The following LAMA1 variants were observed in gnomAD, a reference collection of about 807,000 sequenced individuals.
The protein encoded by LAMA1 is laminin subunit alpha 1.
A neutral mutation model predicts 348.7 loss-of-function variants in LAMA1; 219 were observed. The ratio of observed to expected loss-of-function variants is 0.63; its 90% CI spans 0.56 to 0.70. The LOEUF (loss-of-function observed/expected upper bound fraction) is 0.70. Ranked by LOEUF, LAMA1 falls within the 30% of genes least tolerant of loss-of-function variation. The pLI is 0.00. For synonymous variants in LAMA1, 1,487 were observed against 1,491.0 expected (o/e 1.00, Z 0.06); for missense variants, 3,744 against 3,888.0 (o/e 0.96, Z 0.99).
chr18:7,035,133 G>A (rs555767993), intron 13 of LAMA1, among the ~76,000 whole-genome samples: 1 of 152,192 alleles, frequency 6.6e-6, no homozygotes, highest in South Asian at 2.1e-4. Context: ...GATAGCTCCA[G>A]GTGAAAGGAC....
intron 1 of LAMA1, among the ~76,000 whole-genome samples, chr18:7,102,310 T>C (rs1182514434): frequency 6.6e-6 from 1 of 152,212 alleles, no homozygotes; most frequent in Admixed American, 6.5e-5. Flanking sequence ...TGTATGCCTT[T>C]GTTCTGTTCC....
At chr18:7,117,560 C>T in intron 1 of LAMA1, 100 bp downstream of exon 1, 1 of 1,288,302 alleles carries the variant, frequency 7.8e-7, no homozygotes, top group Non-Finnish European at 1.1e-6. Context: ...AGGATGCGCG[C>T]CCGGACTCCA....
Position 6,950,875 on chromosome 18 carries a change from C to T in LAMA1, c.8304G>A (p.Leu2768=). The T allele has an allele frequency of 6.2e-7, 1 of 1,614,144 alleles. No homozygotes were observed. The highest frequency in any genetic ancestry group is 8.5e-7 in the Non-Finnish European group (1 of 1,180,022). Residue 2768 remains leucine, a synonymous_variant, in exon 58 of 63, where the codon CTG becomes CTA. Transcript: ENST00000389658. ...ACATGAAGTGGAGGCGGCCCCCGTG[C>T]AGCTGGAGCACAGCGTAGTCTGCTT... The part of the protein sequence containing the change: ...QNQADYAVLQ[L]HGGRLHFMFD...
At chr18:7,092,516 T>C (rs570354417) in intron 1 of LAMA1, among the ~76,000 whole-genome samples, 11 of 151,112 alleles carry the variant, frequency 7.3e-5, no homozygotes, top group Non-Finnish European at 1.2e-4. Context: ...TCGCCGCTAC[T>C]CGGGAGGCTG....
At position 6,966,271 on chromosome 18, in the gene LAMA1, TG is replaced by T. The variant is rs1459216633; in HGVS notation, c.6925del (p.His2309IlefsTer18). 6.2e-7 allele frequency: 1 copy of T among 1,613,770 alleles called. No homozygotes were observed. The highest frequency in any genetic ancestry group is 1.3e-5 in the African/African-American group (1 of 74,914). On this transcript the variant is annotated frameshift_variant, in exon 49 of 63. Coordinates refer to ENST00000389658, the MANE Select transcript of LAMA1 (RefSeq NM_005559.4). LOFTEE classifies it high-confidence loss of function. The stretch of plus-strand genomic sequence containing the variant: ...GACAGAGTACCCACTCCCGTCAAAA[TG>T]GAAGGAAGGGTCTTCATTCTGGGAG... Reference protein sequence around the residue: ...GSSQNEDPSFHFDGSGYSVVE... With the variant: ...GSSQNEDPSFXFDGSGYSVVE...
At chr18:7,002,080 T>G (rs1369354197) in intron 30 of LAMA1, among the ~76,000 whole-genome samples, 184 bp downstream of exon 30, 4 of 152,258 alleles carry the variant, frequency 2.6e-5, no homozygotes, top group Non-Finnish European at 4.4e-5. Context: ...AAACAGATAC[T>G]TTGCTTTTGA....
chr18:7,102,573 T>G (rs546223771), intron 1 of LAMA1, among the ~76,000 whole-genome samples: 1 of 152,236 alleles, frequency 6.6e-6, no homozygotes, highest in African/African-American at 2.4e-5. Flanking sequence ...TCTCTTTCTG[T>G]TGACGATGAT....
chr18:7,095,572 G>C (rs545413937), intron 1 of LAMA1, among the ~76,000 whole-genome samples: 1 of 152,332 alleles, frequency 6.6e-6, no homozygotes, highest in East Asian at 1.9e-4. Flanking sequence ...GTTTCCAGGA[G>C]AGTGCCAGCT....
chr18:7,103,488 T>C (rs1045339866), intron 1 of LAMA1, among the ~76,000 whole-genome samples: 2 of 152,002 alleles, frequency 1.3e-5, no homozygotes, highest in Non-Finnish European at 2.9e-5. Context: ...TCTGGTTACC[T>C]GGATTCTTCC....
intron 34 of LAMA1, among the ~76,000 whole-genome samples, chr18:6,994,672 G>GACACAC (rs10534077): frequency 1.0e-4 from 15 of 148,578 alleles, no homozygotes; most frequent in Non-Finnish European, 1.8e-4. Context: ...TCACAGTACA[G>GACACAC]ACACACACAC....
At chr18:6,947,947 G>A (rs983394152) in intron 60 of LAMA1, among the ~76,000 whole-genome samples, 1 of 152,192 alleles carries the variant, frequency 6.6e-6, no homozygotes, top group African/African-American at 2.4e-5. Context: ...GCTGGAGCCT[G>A]AGCCCCAGGA....
intron 1 of LAMA1, among the ~76,000 whole-genome samples, chr18:7,104,554 A>G (rs2058304494): frequency 6.6e-6 from 1 of 152,218 alleles, no homozygotes; most frequent in Admixed American, 6.5e-5. Flanking sequence ...AGCTCCCGTG[A>G]TGGAACTACA....
In LAMA1 at chr18:6,959,339, A is replaced by G. The variant is rs1454357496; in HGVS notation, c.7778+2T>C. On this transcript the variant is annotated splice_donor_variant, in intron 54 of 62. Transcript: ENST00000389658. LOFTEE classifies it high-confidence loss of function. ...ACACACTGCCTGGCCGCGTGCAAGT[A>G]CCTCCGATTCCTGACCAAGGAGATG... 14 of 1,613,938 alleles carry G rather than the reference A, an allele frequency of 8.7e-6. No homozygotes were observed. Among genetic ancestry groups the G allele is most frequent in the African/African-American group, 1.3e-5 (1 of 74,970 alleles).
intron 3 of LAMA1, among the ~76,000 whole-genome samples, chr18:7,066,296 A>T (rs747219486): frequency 8.5e-4 from 130 of 152,344 alleles, no homozygotes; most frequent in Non-Finnish European, 1.6e-3. Context: ...ATAAGATGAA[A>T]TAATGAACAG....
At position 6,992,683 on chromosome 18, in the gene LAMA1, A is replaced by C; in HGVS notation, c.5046T>G (p.Asp1682Glu). 6.2e-7 allele frequency: 1 copy of C among 1,613,628 alleles called. No individual in the cohort carries two copies. The highest frequency in any genetic ancestry group is 8.5e-7 in the Non-Finnish European group (1 of 1,179,482). ...TAGAATTGGGTAGTAGGAAATCTTC[A>C]TCCAAAGTCTGATTTAAAGTTGTCT... The part of the protein sequence containing the change: ...MEKTTLNQTL[D>E]EDFLLPNSTL... Residue 1682 changes from aspartate to glutamate, a missense_variant, in exon 36 of 63, where the codon GAT (aspartate) becomes GAG (glutamate). By Grantham distance (45) the Asp-to-Glu change is conservative (BLOSUM62 2). Coordinates refer to ENST00000389658, the MANE Select transcript of LAMA1 (RefSeq NM_005559.4).
At position 6,985,362 on chromosome 18, in the gene LAMA1, A is replaced by G; in HGVS notation, c.5535T>C (p.Ser1845=). Residue 1845 remains serine (S), a synonymous_variant, in exon 39 of 63, where the codon TCT becomes TCC. Transcript: ENST00000389658. ...EDHQDKLLLW[S]AKIRHHIDDL... is the part of the protein sequence containing the mutation. ...CATCTATGTGGTGCCTGATTTTGGC[A>G]GACCATAAAAGTAGCTTATCCTGGT... 2 of 1,614,240 alleles carry G rather than the reference A, an allele frequency of 1.2e-6. No homozygotes were observed. Among genetic ancestry groups the G allele is most frequent in the Middle Eastern group, 1.7e-4 (1 of 6,056 alleles).
In LAMA1 at chr18:6,985,284, A is replaced by G. The variant is rs1401716708; in HGVS notation, c.5613T>C (p.Ala1871=). Residue 1871 remains alanine, a synonymous_variant, in exon 39 of 63, where the codon GCT becomes GCC. Transcript: ENST00000389658. The stretch of plus-strand genomic sequence containing the variant: ...TCTGGAACTCAGCGGCATGGTCCTC[A>G]GCTCTGTAGACCAGGTCGACTGCGT... The part of the protein sequence containing the change: ...QRNAVDLVYR[A]EDHAAEFQRL... 4.3e-6 allele frequency: 7 copies of G among 1,614,092 alleles called. No homozygotes were observed. In the Admixed American group the frequency reaches 6.7e-5, roughly 15 times the overall value.
At chr18:7,013,426 A>G (rs1265006678) in intron 23 of LAMA1, among the ~76,000 whole-genome samples, 1 of 152,078 alleles carries the variant, frequency 6.6e-6, no homozygotes, top group African/African-American at 2.4e-5. Flanking sequence ...GGAAAATAAT[A>G]AACCCCGATT....
chr18:7,071,593 G>A (rs189129364), intron 3 of LAMA1, among the ~76,000 whole-genome samples: 8 of 152,298 alleles, frequency 5.3e-5, no homozygotes, highest in East Asian at 1.9e-4. Context: ...CAAATGATGC[G>A]TAAGCCATAT....
Sources: gnomAD v4.1 joint callset for allele counts (sites outside exome capture counted in the v4.1 genomes callset) on GRCh38, gnomAD v4.1.1 for gene constraint, MANE v1.5 for transcripts, NCBI Gene and HGNC (gene_info 2026-07-23, HGNC 2026-07-21) for gene names.